The following LILRA2 variants were observed in gnomAD, a reference collection of about 807,000 sequenced individuals.
LILRA2 encodes the protein leukocyte immunoglobulin-like receptor subfamily A member 2.
A neutral mutation model predicts 47.9 loss-of-function variants in LILRA2; 45 were observed. The ratio of observed to expected loss-of-function variants is 0.94; its 90% CI spans 0.74 to 1.20. LILRA2 has a LOEUF of 1.20. Among genes scored for constraint, LILRA2 ranks in the 50% most tolerant of loss-of-function variants. The pLI, the probability that LILRA2 is intolerant of heterozygous loss-of-function variation, is 0.00. For missense variants in LILRA2, 651 were observed against 598.2 expected (o/e 1.09, Z -0.92); for synonymous variants, 279 against 249.2 (o/e 1.12, Z -1.13).
Position 54,574,089 on chromosome 19 carries a change from C to T in LILRA2, c.48C>T (p.Gly16=), listed in dbSNP as rs1375916461. 5 of 1,612,632 alleles carry T rather than the reference C, an allele frequency of 3.1e-6. No homozygotes were observed. Among genetic ancestry groups the T allele is most frequent in the African/African-American group, 1.3e-5 (1 of 75,028 alleles). Residue 16 remains glycine, a synonymous_variant, in exon 2 of 8, where the codon GGC becomes GGT. Transcript: ENST00000391738. ...ACTCTCTTCCAGGGCTGAGTCTGGG[C>T]CCCAGGACCCACGTGCAGGCAGGTG... The part of the protein sequence containing the change: ...TVLICLGLSL[G]PRTHVQAGHL...
chr19:54,578,885 A>G (rs1429579963), intron 6 of LILRA2, among the ~76,000 whole-genome samples: 3 of 151,444 alleles, frequency 2.0e-5, no homozygotes, highest in Non-Finnish European at 2.9e-5. Flanking sequence ...GATGATAAGC[A>G]TTTTTGCATA....
chr19:54,574,389 T>C lies in LILRA2; in HGVS notation c.159T>C (p.Leu53=), dbSNP rs7260169. 5,028 of 1,440,858 alleles carry C rather than the reference T, an allele frequency of 3.5e-3. 91 individuals are homozygous for C. In the African/African-American group the frequency reaches 0.068, roughly 20 times the overall value. The allele number at this position is 1,440,858 out of a possible 1,614,324, so 89.3% of individuals were successfully genotyped here. The part of the protein sequence containing the change: ...SPVTLRCQGS[L]QAEEYHLYRE... ...TGACCCTCAGGTGTCAGGGGAGCCT[T>C]CAGGCTGAGGAGTACCATCTATATA... Residue 53 remains leucine (L), a synonymous_variant, in exon 3 of 8, where the codon CTT becomes CTC. Transcript: ENST00000391738.
intron 6 of LILRA2, among the ~76,000 whole-genome samples, chr19:54,582,018 A>G (rs1195191153): frequency 1.3e-5 from 2 of 152,196 alleles, no homozygotes; most frequent in African/African-American, 2.4e-5. Flanking sequence ...CCCTTTCTGC[A>G]TCTATTAAGA....
rs573019817 is a variant in LILRA2 at position 54,578,171 on chromosome 19, G to A, written c.1255+2062G>A. Among the ~76,000 whole-genome samples, 10 of 151,970 alleles carry A rather than the reference G, an allele frequency of 6.6e-5. No homozygotes were observed. In the South Asian group the frequency reaches 2.1e-3, roughly 32 times the overall value. On this transcript the variant is annotated intron_variant, in intron 6 of 7. Transcript: ENST00000391738. ...ATAGTTTAAGTTCCAGGGTACATGT[G>A]CACAATGTGCAGGTTTGTTACGTAG...
Position 54,575,938 on chromosome 19 carries a change from C to T in LILRA2, c.1084C>T (p.His362Tyr), listed in dbSNP as rs766339746. 6.3e-7 allele frequency: 1 copy of T among 1,592,772 alleles called. No homozygotes were observed. The highest frequency in any genetic ancestry group is 8.6e-7 in the Non-Finnish European group (1 of 1,162,008). The change falls in exon 6 of 8, where the codon CAT becomes TAT. Residue 362 changes from histidine to tyrosine, a missense_variant. Transcript: ENST00000391738. The part of the protein sequence containing the change: ...TFLLTKEGAG[H>Y]PPLHLRSEHQ... ...CCTTCTGACCAAGGAGGGGGCAGGC[C>T]ATCCCCCACTGCATCTGAGATCAGA...
chr19:54,573,165 T>A (rs1444031663), upstream of LILRA2: 1 of 292,600 alleles, frequency 3.4e-6, no homozygotes, highest in East Asian at 7.2e-5. Flanking sequence ...TTGCTTTTTT[T>A]ATACAGACAA....
chr19:54,574,181 G>C, intron 2 of LILRA2, 70 bp downstream of exon 2: 1 of 1,614,234 alleles, frequency 6.2e-7, no homozygotes, highest in Non-Finnish European at 8.5e-7. Flanking sequence ...CCGTGCAGCT[G>C]GGGATGGGGA....
rs1199339500 is a variant in LILRA2 at position 54,590,109 on chromosome 19, A to C, written c.*2763A>C. The C allele has an allele frequency of 1.3e-5, 2 of 152,238 alleles. No individual in the cohort carries two copies. Among genetic ancestry groups the C allele is most frequent in the African/African-American group, 2.4e-5 (1 of 41,450 alleles). 9.4% of individuals were successfully genotyped at this position (152,238 alleles called of 1,614,324 possible). A position where few individuals can be genotyped will look rare whatever the true frequency, so the allele number is the denominator to read the frequency against. ...TAAAAATGTCAACTATTTCCTTTGC[A>C]AGTATTTATTGACTAACATACTCCT... is the stretch of plus-strand genomic sequence containing the variant. On this transcript the variant is annotated 3_prime_UTR_variant, in exon 8 of 8. Coordinates refer to ENST00000391738, the MANE Select transcript of LILRA2 (RefSeq NM_001130917.3).
chr19:54,579,050 C>T (rs544398456), intron 6 of LILRA2, among the ~76,000 whole-genome samples: 1 of 152,092 alleles, frequency 6.6e-6, no homozygotes, highest in East Asian at 1.9e-4. Context: ...AAATTTTCTC[C>T]CATTCTGTAG....
chr19:54,585,505 G>T (rs1191490088), intron 6 of LILRA2, among the ~76,000 whole-genome samples: 2 of 152,230 alleles, frequency 1.3e-5, no homozygotes, highest in Non-Finnish European at 2.9e-5. Context: ...AATGGTGGAT[G>T]CCCTTCCCTC....
intron 6 of LILRA2, among the ~76,000 whole-genome samples, chr19:54,585,577 G>A (rs1050949789): frequency 2.0e-5 from 3 of 152,234 alleles, no homozygotes; most frequent in Admixed American, 6.5e-5. Context: ...GCAAGGCTCC[G>A]TGGGTGTGAG....
At chr19:54,583,959 C>T (rs2062720677) in intron 6 of LILRA2, among the ~76,000 whole-genome samples, 1 of 152,172 alleles carries the variant, frequency 6.6e-6, no homozygotes, top group South Asian at 2.1e-4. Context: ...TCTTTTAAGG[C>T]AGGCCTGGTG....
At chr19:54,575,216 T>C (rs1223996401) in intron 4 of LILRA2, 40 bp from the exon 5 acceptor site, 4 of 1,574,954 alleles carry the variant, frequency 2.5e-6, no homozygotes, top group Non-Finnish European at 3.5e-6. Flanking sequence ...TGGGGAAGCC[T>C]GAGGGTCGGC....
At position 54,587,205 on chromosome 19, in the gene LILRA2, C is replaced by T. The variant is rs776487709; in HGVS notation, c.1311C>T (p.Ser437=). 3.2e-3 allele frequency: 5,153 copies of T among 1,608,350 alleles called. No individual in the cohort carries two copies. The South Asian group carries it at 0.043, about 14-fold the overall frequency. ...SQNKTDSTTT[S]LGQHPQDYTV... ...CTCTGTGACCTCTTTGTCCAGCATC[C>T]CTAGGCCAACACCCCCAGGATTACA... Residue 437 remains serine, a synonymous_variant, in exon 8 of 8, where the codon TCC becomes TCT. Coordinates refer to ENST00000391738, the MANE Select transcript of LILRA2 (RefSeq NM_001130917.3).
At chr19:54,585,416 T>C (rs1331630585) in intron 6 of LILRA2, among the ~76,000 whole-genome samples, 1 of 152,238 alleles carries the variant, frequency 6.6e-6, no homozygotes, top group East Asian at 1.9e-4. Flanking sequence ...GCAGTAGGCC[T>C]TGCTGAGCTG....
chr19:54,581,916 A>G (rs1456624706), intron 6 of LILRA2, among the ~76,000 whole-genome samples: 2 of 152,222 alleles, frequency 1.3e-5, no homozygotes, highest in Non-Finnish European at 2.9e-5. Context: ...TGGGTTTGCT[A>G]TAAATAGCTG....
At position 54,575,833 on chromosome 19, in the gene LILRA2, T is replaced by A; in HGVS notation, c.979T>A (p.Ser327Thr). 1 of 1,613,560 alleles carries A rather than the reference T, an allele frequency of 6.2e-7. No individual in the cohort carries two copies. Among genetic ancestry groups the A allele is most frequent in the Non-Finnish European group, 8.5e-7 (1 of 1,179,848 alleles). Residue 327 changes from serine (S) to threonine (T), a missense_variant, in exon 6 of 8, where the codon TCG (serine) becomes ACG (threonine). Transcript: ENST00000391738. ...ACAGTTCTATGACAGACCCTCTCTC[T>A]CGGTGCAGCCGGTCCCCACAGTAGC... Reference protein sequence around the residue: ...TGQFYDRPSLSVQPVPTVAPG... With the variant: ...TGQFYDRPSLTVQPVPTVAPG...
At chr19:54,573,958 CA>C (rs1280906327) in intron 1 of LILRA2, 46 bp downstream of exon 1, 1 of 1,613,068 alleles carries the variant, frequency 6.2e-7, no homozygotes, top group Non-Finnish European at 8.5e-7. Context: ...GGAGGGACCT[CA>C]CCCCACAGCC....
At chr19:54,579,226 G>T (rs2145992035) in intron 6 of LILRA2, among the ~76,000 whole-genome samples, 1 of 152,202 alleles carries the variant, frequency 6.6e-6, no homozygotes, top group South Asian at 2.1e-4. Flanking sequence ...TTCTTCTAGG[G>T]TTTTTATGGT....
Sources: gnomAD v4.1 joint callset for allele counts (sites outside exome capture counted in the v4.1 genomes callset) on GRCh38, gnomAD v4.1.1 for gene constraint, MANE v1.5 for transcripts, NCBI Gene and HGNC (gene_info 2026-07-23, HGNC 2026-07-21) for gene names.